ITGA8: variants seen among roughly 807,000 people sequenced by gnomAD.
ITGA8 encodes the protein integrin alpha-8.
A neutral mutation model predicts 142.3 loss-of-function variants in ITGA8; 91 were observed. The ratio of observed to expected loss-of-function variants is 0.64; its 90% confidence interval spans 0.54 to 0.76. The LOEUF is 0.76. ITGA8 is among the 30% of genes least tolerant of loss of function. The probability of loss-of-function intolerance (pLI) is 0.00; values close to 1 mark genes in which losing one functional copy is unlikely to be tolerated. For missense variants in ITGA8, 1,406 were observed against 1,327.7 expected (o/e 1.06, Z -0.92); for synonymous variants, 505 against 485.2 (o/e 1.04, Z -0.54).
At chr10:15,570,346 G>A (rs554454257) in intron 25 of ITGA8, among the ~76,000 whole-genome samples, 19 of 152,094 alleles carry the variant, frequency 1.2e-4, no homozygotes, top group Non-Finnish European at 2.4e-4. Flanking sequence ...AGTGGCTCAC[G>A]CCTGTAATCC....
At chr10:15,615,350 T>C (rs1234623030) in intron 14 of ITGA8, among the ~76,000 whole-genome samples, 1 of 152,216 alleles carries the variant, frequency 6.6e-6, no homozygotes, top group African/African-American at 2.4e-5. Context: ...GTCTTGGGAC[T>C]GACGAAGAAG....
intron 2 of ITGA8, among the ~76,000 whole-genome samples, chr10:15,689,602 G>A (rs549840544): frequency 6.6e-6 from 1 of 152,284 alleles, no homozygotes; most frequent in African/African-American, 2.4e-5. Context: ...CAGAGACGGA[G>A]CTCACTTTGT....
chr10:15,594,730 C>T (rs1433855140), intron 21 of ITGA8, among the ~76,000 whole-genome samples: 6 of 151,934 alleles, frequency 3.9e-5, no homozygotes, highest in African/African-American at 1.2e-4. Context: ...TGCAGTGAGC[C>T]GAGATTGTGC....
intron 27 of ITGA8, among the ~76,000 whole-genome samples, chr10:15,535,278 A>C (rs1279921945): frequency 6.6e-6 from 1 of 152,070 alleles, no homozygotes; most frequent in Non-Finnish European, 1.5e-5. Context: ...CCCCTGCTCC[A>C]CGGTACCCAG....
chr10:15,688,846 C>T (rs1038243277), intron 2 of ITGA8, among the ~76,000 whole-genome samples: 33 of 152,154 alleles, frequency 2.2e-4, no homozygotes, highest in African/African-American at 7.7e-4. Flanking sequence ...AGGGAATGTA[C>T]CTACACACAG....
intron 20 of ITGA8, among the ~76,000 whole-genome samples, chr10:15,603,303 A>G (rs1384471842): frequency 6.6e-6 from 1 of 152,216 alleles, no homozygotes; most frequent in Non-Finnish European, 1.5e-5. Flanking sequence ...TACATTATTC[A>G]ATCATTAAAA....
intron 3 of ITGA8, among the ~76,000 whole-genome samples, chr10:15,686,273 C>G (rs967319534): frequency 1.3e-5 from 2 of 152,192 alleles, no homozygotes; most frequent in African/African-American, 2.4e-5. Flanking sequence ...TTTTGCCTCT[C>G]TATATATTGT....
chr10:15,526,013 A>T (rs1833167354), intron 28 of ITGA8, among the ~76,000 whole-genome samples: 1 of 152,150 alleles, frequency 6.6e-6, no homozygotes, highest in Non-Finnish European at 1.5e-5. Context: ...CTACTGCTTC[A>T]GTTTTTAAGT....
At position 15,592,250 on chromosome 10, in the gene ITGA8, T is replaced by C; in HGVS notation, c.2266A>G (p.Ile756Val). Residue 756 changes from isoleucine to valine, a missense_variant, in exon 22 of 30, where the codon ATT (isoleucine) becomes GTT (valine). Physicochemically the swap from Ile to Val is conservative, Grantham distance 29 (BLOSUM62 3). Transcript: ENST00000378076. ...VPRLEKTNMS[I>V]NFDLQIRSSN... ...CTTCTGATTTGGAGATCGAAGTTAA[T>C]GCTCATGTTTGTTTTCTCAAGACGT... is the stretch of plus-strand genomic sequence containing the variant. 6.2e-7 allele frequency: 1 copy of C among 1,613,774 alleles called. No homozygotes were observed. Among genetic ancestry groups the C allele is most frequent in the South Asian group, 1.1e-5 (1 of 91,064 alleles).
At chr10:15,686,912 A>T (rs1400607115) in intron 3 of ITGA8, among the ~76,000 whole-genome samples, 1 of 152,220 alleles carries the variant, frequency 6.6e-6, no homozygotes, top group African/African-American at 2.4e-5. Context: ...TTCAAGACAC[A>T]CAAAAAAATC....
intron 23 of ITGA8, among the ~76,000 whole-genome samples, chr10:15,578,164 G>A (rs1155200): frequency 0.18 from 27,779 of 151,870 alleles, 3,604 homozygotes; most frequent in East Asian, 0.4. Flanking sequence ...TTACAGGAAC[G>A]TCCACTTCCC....
At chr10:15,591,302 A>G (rs906885849) in intron 22 of ITGA8, among the ~76,000 whole-genome samples, 4 of 151,424 alleles carry the variant, frequency 2.6e-5, no homozygotes, top group Non-Finnish European at 5.9e-5. Context: ...GAGATTTTCA[A>G]ACTTTTTAAG....
At chr10:15,649,634 T>C (rs1211666658) in intron 11 of ITGA8, among the ~76,000 whole-genome samples, 4 of 126,256 alleles carry the variant, frequency 3.2e-5, no homozygotes, top group Non-Finnish European at 3.4e-5. Flanking sequence ...AAAAAAAAAA[T>C]TGGGCAAAGA....
At chr10:15,708,761 T>C (rs1409290880) in intron 2 of ITGA8, among the ~76,000 whole-genome samples, 1 of 152,152 alleles carries the variant, frequency 6.6e-6, no homozygotes, top group Admixed American at 6.6e-5. Context: ...CTACAAAATA[T>C]GTTAAATAAT....
At chr10:15,524,149 T>G (rs984575542) in intron 28 of ITGA8, among the ~76,000 whole-genome samples, 1 of 152,194 alleles carries the variant, frequency 6.6e-6, no homozygotes, top group Non-Finnish European at 1.5e-5. Flanking sequence ...CATATGGTAC[T>G]GAGGCGGCCC....
chr10:15,583,637 A>T (rs999175197), intron 23 of ITGA8, among the ~76,000 whole-genome samples: 2 of 152,208 alleles, frequency 1.3e-5, no homozygotes, highest in African/African-American at 4.8e-5. Context: ...GCATAACATT[A>T]TAGATCATTC....
At chr10:15,526,428 G>A (rs573521721) in intron 28 of ITGA8, among the ~76,000 whole-genome samples, 1 of 152,136 alleles carries the variant, frequency 6.6e-6, no homozygotes, top group Non-Finnish European at 1.5e-5. Context: ...CACCCACCTC[G>A]GCCTCCCAAA....
At chr10:15,586,706 A>G in intron 22 of ITGA8, 42 bp from the exon 23 acceptor site, 1 of 1,128,516 alleles carries the variant, frequency 8.9e-7, no homozygotes, top group Non-Finnish European at 1.4e-6. Flanking sequence ...TCTGCTCAGG[A>G]GTATTATTAC....
intron 2 of ITGA8, among the ~76,000 whole-genome samples, chr10:15,693,295 A>C (rs369189282): frequency 6.6e-6 from 1 of 152,168 alleles, no homozygotes; most frequent in Non-Finnish European, 1.5e-5. Context: ...AAAATACATT[A>C]CAAAATAAAC....
Sources: gnomAD v4.1 joint callset for allele counts (sites outside exome capture counted in the v4.1 genomes callset) on GRCh38, gnomAD v4.1.1 for gene constraint, MANE v1.5 for transcripts, NCBI Gene and HGNC (gene_info 2026-07-23, HGNC 2026-07-21) for gene names.